The following IMPA1 variants were observed in gnomAD, a reference collection of about 807,000 sequenced individuals.
The protein encoded by IMPA1 is inositol monophosphatase 1.
IMPA1 carries 21 observed loss-of-function variants against 34.9 expected under a neutral mutation model. That is an observed-to-expected ratio of 0.60 (90% confidence interval 0.43 to 0.87). The LOEUF (loss-of-function observed/expected upper bound fraction) is 0.87, where lower values mean the gene tolerates loss of function less well. Ranked by LOEUF, IMPA1 falls within the 40% of genes least tolerant of loss-of-function variation. IMPA1 has a pLI of 0.00. For synonymous variants in IMPA1, 95 were observed against 104.4 expected, an observed-to-expected ratio of 0.91 and a Z score of 0.55; for missense variants, 299 against 336.4, an observed-to-expected ratio of 0.89 and a Z score of 0.87.
intron 7 of IMPA1, among the ~76,000 whole-genome samples, chr8:81,669,212 CAG>C (rs1162450041): frequency 6.6e-6 from 1 of 152,156 alleles, no homozygotes; most frequent in African/African-American, 2.4e-5. Context: ...AAGGCCACCA[CAG>C]AGAGTCCCCA....
intron 1 of IMPA1, among the ~76,000 whole-genome samples, chr8:81,683,599 T>G (rs1461776198): frequency 6.6e-6 from 1 of 151,944 alleles, no homozygotes; most frequent in African/African-American, 2.4e-5. Flanking sequence ...AGAGTCAAGT[T>G]TGGGATATAG....
Position 81,680,684 on chromosome 8 carries a change from T to C in IMPA1, c.163A>G (p.Ile55Val). The C allele has an allele frequency of 1.2e-6, 2 of 1,612,522 alleles. No homozygotes were observed. The highest frequency in any genetic ancestry group is 2.2e-5 in the East Asian group (1 of 44,858). The change falls in exon 3 of 9, where the codon ATC (isoleucine) becomes GTC (valine). Residue 55 changes from isoleucine to valine, a missense_variant. Ile to Val is a conservative substitution (Grantham distance 29, BLOSUM62 3). Transcript: ENST00000256108. ...GGATACTTTTCCTTTATGGAAGAGA[T>C]AAGCATTTTTTCAACTTTTTGGTCC... ...ATDQKVEKML[I>V]SSIKEKYPSH...
At chr8:81,684,680 T>C (rs926713383) in intron 1 of IMPA1, among the ~76,000 whole-genome samples, 7 of 79,508 alleles carry the variant, frequency 8.8e-5, no homozygotes, top group Admixed American at 3.6e-4. Flanking sequence ...TATATTTAGA[T>C]ACTATGTGGA....
intron 1 of IMPA1, among the ~76,000 whole-genome samples, chr8:81,684,375 A>G (rs978703384): frequency 1.4e-5 from 2 of 145,598 alleles, no homozygotes; most frequent in African/African-American, 2.5e-5. Context: ...ATATTTAGAT[A>G]CTATATATAG....
rs1469814776 is a variant in IMPA1 at position 81,683,682 on chromosome 8, T to C, written c.-24-2098A>G. ...CTCTGTAAAATCAAAAGATGTCAGT[T>C]AGGCAGCTGAATCATGGATCCTGAG... On this transcript the variant is annotated intron_variant, in intron 1 of 8. Coordinates refer to ENST00000256108, the MANE Select transcript of IMPA1 (RefSeq NM_005536.4). Among the ~76,000 whole-genome samples, 4 of 152,200 alleles carry C rather than the reference T, an allele frequency of 2.6e-5. No homozygotes were observed. In the East Asian group the frequency reaches 7.7e-4, roughly 29 times the overall value.
chr8:81,659,895 A>T (rs1473531473), intron 8 of IMPA1, among the ~76,000 whole-genome samples: 1 of 152,108 alleles, frequency 6.6e-6, no homozygotes, highest in African/African-American at 2.4e-5. Flanking sequence ...GTTGAAAGCA[A>T]TTATTTAACT....
At chr8:81,671,470 T>C (rs189389842) in intron 6 of IMPA1, among the ~76,000 whole-genome samples, 1 of 152,298 alleles carries the variant, frequency 6.6e-6, no homozygotes, top group Admixed American at 6.5e-5. Context: ...TGACAGGTTA[T>C]CCAAGGTTTT....
chr8:81,675,124 A>T (rs1463438215), intron 5 of IMPA1, among the ~76,000 whole-genome samples: 1 of 152,094 alleles, frequency 6.6e-6, no homozygotes, highest in Non-Finnish European at 1.5e-5. Flanking sequence ...GGCCAAACTA[A>T]CCTTTGTCCT....
chr8:81,672,934 A>G (rs1807030880), intron 6 of IMPA1, among the ~76,000 whole-genome samples: 1 of 152,238 alleles, frequency 6.6e-6, no homozygotes, highest in South Asian at 2.1e-4. Flanking sequence ...TTCCACAAGG[A>G]CAGTGTGAAA....
intron 6 of IMPA1, among the ~76,000 whole-genome samples, chr8:81,671,882 G>A (rs1237379812): frequency 6.6e-6 from 1 of 152,160 alleles, no homozygotes; most frequent in African/African-American, 2.4e-5. Flanking sequence ...GGGCAACAGA[G>A]CAAGACTCTG....
chr8:81,674,786 G>C, intron 5 of IMPA1: 1 of 454,160 alleles, frequency 2.2e-6, no homozygotes, highest in Non-Finnish European at 4.4e-6. Flanking sequence ...ATTCATTTTG[G>C]CTCCCATCAA....
Position 81,686,302 on chromosome 8 carries a change from G to C in IMPA1, c.-75C>G, listed in dbSNP as rs1807525731. 1 of 988,832 alleles carries C rather than the reference G, an allele frequency of 1.0e-6. No homozygotes were observed. The highest frequency in any genetic ancestry group is 1.2e-6 in the Non-Finnish European group (1 of 832,048). The allele number at this position is 988,832 out of a possible 1,614,324, so 61.3% of individuals were successfully genotyped here. A position where few individuals can be genotyped will look rare whatever the true frequency, so the allele number is the denominator to read the frequency against. ...CTCTGTGAACGGTGTTACCGCACTC[G>C]TCTCTTCCGGAGGTAGAGGGGCTAC... is the stretch of plus-strand genomic sequence containing the variant. On this transcript the variant is annotated 5_prime_UTR_variant, in exon 1 of 9. Transcript: ENST00000256108.
At chr8:81,679,737 G>A (rs544306083) in intron 3 of IMPA1, among the ~76,000 whole-genome samples, 12 of 152,156 alleles carry the variant, frequency 7.9e-5, no homozygotes, top group African/African-American at 2.7e-4. Flanking sequence ...TGAATAAAGC[G>A]ATGTGAAAAA....
chr8:81,684,489 G>A lies in IMPA1; in HGVS notation c.-25+1763C>T, dbSNP rs1305472228. 4.5e-4 allele frequency among the ~76,000 whole-genome samples: 6 copies of A among 13,422 alleles called. No homozygotes were observed. In the East Asian group the frequency reaches 0.01, roughly 23 times the overall value. 8.8% of individuals were successfully genotyped at this position (13,422 alleles called of 152,430 possible). ...ACACACAGTATCTTTAGATACTACA[G>A]TATACTACACATAAGTATCTTTAGA... On this transcript the variant is annotated intron_variant, in intron 1 of 8. Transcript: ENST00000256108.
chr8:81,685,300 C>CAT (rs1300725132), intron 1 of IMPA1, among the ~76,000 whole-genome samples: 39 of 132,286 alleles, frequency 2.9e-4, no homozygotes, highest in African/African-American at 1.0e-3. Context: ...ATATACTATA[C>CAT]ATAGTATATT....
rs996106952 is a variant in IMPA1, at chr8:81,681,693, C to T, written c.-24-109G>A. Reference sequence around the variant, plus strand: ...GTCATTTCAGGATTCACCCCCTGCCCTAGAGTTTTTCCCAAGATTTATGCC... The same window carrying T: ...GTCATTTCAGGATTCACCCCCTGCCTTAGAGTTTTTCCCAAGATTTATGCC... On this transcript the variant is annotated intron_variant, in intron 1 of 8. Transcript: ENST00000256108. 128 of 656,212 alleles carry T rather than the reference C, an allele frequency of 2.0e-4. 1 individual carries two copies. The South Asian group carries it at 2.3e-3, about 12-fold the overall frequency. The allele number at this position is 656,212 out of a possible 1,614,324, so 40.6% of individuals were successfully genotyped here.
intron 2 of IMPA1, among the ~76,000 whole-genome samples, chr8:81,681,046 G>T (rs564694624): frequency 6.6e-6 from 1 of 151,994 alleles, no homozygotes; most frequent in Non-Finnish European, 1.5e-5. Flanking sequence ...GGGTATACAC[G>T]CAAGAGTATT....
intron 1 of IMPA1, 119 bp from the exon 2 acceptor site, chr8:81,681,703 T>G: frequency 3.2e-6 from 2 of 631,248 alleles, no homozygotes; most frequent in Non-Finnish European, 5.6e-6. Flanking sequence ...CTAGAGTTTT[T>G]CCCAAGATTT....
In IMPA1 at chr8:81,673,946, C is replaced by T; in HGVS notation, c.352G>A (p.Glu118Lys). Residue 118 changes from glutamate to lysine, a missense_variant, in exon 6 of 9, where the codon GAA becomes AAA. Physicochemically the swap from Glu to Lys is moderately conservative, Grantham distance 56. Transcript: ENST00000256108. ...SIGFAVNKKIEFGVVYSCVEG... is the reference protein window; with the variant it reads ...SIGFAVNKKIKFGVVYSCVEG... ...ACACAACTGTACACAACTCCAAATT[C>T]TATCTGCAGAGGAAAACAAGTTTCC... The T allele has an allele frequency of 1.3e-6, 2 of 1,598,098 alleles. No homozygotes were observed. Among genetic ancestry groups the T allele is most frequent in the Non-Finnish European group, 1.7e-6 (2 of 1,166,844 alleles).
Sources: allele counts gnomAD v4.1 joint callset (sites outside exome capture counted in the v4.1 genomes callset), GRCh38; gene constraint gnomAD v4.1.1; transcripts MANE v1.5; gene names NCBI Gene and HGNC (gene_info 2026-07-23, HGNC 2026-07-21).